Variants in SYNE2 observed in about 807,000 individuals in gnomAD.
SYNE2 encodes nesprin-2.
A neutral mutation model predicts 856.3 loss-of-function variants in SYNE2; 431 were observed. The observed-to-expected ratio is 0.50, with a 90% CI of 0.47 to 0.55. The LOEUF is 0.55. Among genes scored for constraint, SYNE2 ranks in the 20% least tolerant of loss-of-function variants. The pLI is 0.00. For synonymous variants in SYNE2, 2,923 were observed against 2,872.3 expected (o/e 1.02, Z -0.56); for missense variants, 8,129 against 8,023.2 (o/e 1.01, Z -0.50).
intron 6 of SYNE2, among the ~76,000 whole-genome samples, chr14:63,948,798 A>ATGTGTGTGTGTGTGTG (rs1566884906): frequency 1.1e-5 from 1 of 88,322 alleles, no homozygotes; most frequent in African/African-American, 5.7e-5. Flanking sequence ...ATATATATAT[A>ATGTGTGTGTGTGTGTG]TATATATATA....
chr14:63,877,378 A>C (rs1411663604), intron 1 of SYNE2, among the ~76,000 whole-genome samples: 2 of 152,344 alleles, frequency 1.3e-5, no homozygotes, highest in Non-Finnish European at 2.9e-5. Flanking sequence ...TTTAGGAGGA[A>C]TAGGTCAAAA....
chr14:63,903,934 AG>A (rs2095372898), intron 1 of SYNE2, among the ~76,000 whole-genome samples: 1 of 152,030 alleles, frequency 6.6e-6, no homozygotes, highest in African/African-American at 2.4e-5. Flanking sequence ...TGGTGAGCAT[AG>A]TACCCAATAG....
At chr14:64,128,732 T>C (rs2097976618) in intron 74 of SYNE2, among the ~76,000 whole-genome samples, 179 bp downstream of exon 74, 1 of 152,236 alleles carries the variant, frequency 6.6e-6, no homozygotes, top group Non-Finnish European at 1.5e-5. Flanking sequence ...TGAAGCACAA[T>C]GTATTAAAAC....
At chr14:63,814,302 A>G (rs1045073630) in intron 1 of SYNE2, among the ~76,000 whole-genome samples, 7 of 150,474 alleles carry the variant, frequency 4.7e-5, no homozygotes, top group Non-Finnish European at 8.9e-5. Context: ...ACAAACAAAG[A>G]ACAGAACAAA....
chr14:64,038,145 G>T (rs1282806307), intron 45 of SYNE2, among the ~76,000 whole-genome samples: 1 of 151,488 alleles, frequency 6.6e-6, no homozygotes, highest in African/African-American at 2.4e-5. Context: ...GGGCAGAGGC[G>T]CTCCTCACAT....
At chr14:64,039,541 A>G (rs1447785642) in intron 45 of SYNE2, among the ~76,000 whole-genome samples, 1 of 152,250 alleles carries the variant, frequency 6.6e-6, no homozygotes, top group Non-Finnish European at 1.5e-5. Flanking sequence ...ATGAAAGGAA[A>G]GATACATGTT....
intron 16 of SYNE2, among the ~76,000 whole-genome samples, chr14:63,982,409 A>G (rs138665407): frequency 6.6e-6 from 1 of 151,832 alleles, no homozygotes; most frequent in Non-Finnish European, 1.5e-5. Flanking sequence ...CTAAGGGGAA[A>G]GTCAGTCTCT....
At chr14:64,070,163 T>G (rs1376042729) in intron 51 of SYNE2, among the ~76,000 whole-genome samples, 1 of 152,250 alleles carries the variant, frequency 6.6e-6, no homozygotes, top group Non-Finnish European at 1.5e-5. Flanking sequence ...TAATTCTGGC[T>G]GCTTTACCTT....
At chr14:63,826,928 G>A (rs1382138442) in intron 1 of SYNE2, among the ~76,000 whole-genome samples, 1 of 152,048 alleles carries the variant, frequency 6.6e-6, no homozygotes, top group Non-Finnish European at 1.5e-5. Flanking sequence ...CACTTGAGTG[G>A]GAGAAAATAT....
At chr14:63,846,560 CTTTA>C (rs1222262096) in intron 1 of SYNE2, among the ~76,000 whole-genome samples, 2 of 138,576 alleles carry the variant, frequency 1.4e-5, no homozygotes, top group Admixed American at 1.6e-4. Context: ...TAGTAGGGCA[CTTTA>C]TTTATTCAGG....
chr14:64,052,447 A>T lies in SYNE2; in HGVS notation c.8534A>T (p.Lys2845Met). 6.2e-7 allele frequency: 1 copy of T among 1,613,086 alleles called. No individual in the cohort carries two copies. Among genetic ancestry groups the T allele is most frequent in the Non-Finnish European group, 8.5e-7 (1 of 1,179,560 alleles). Residue 2845 changes from lysine (K) to methionine (M), a missense_variant, in exon 48 of 116, where the codon AAG becomes ATG. This residue lies in a region of SYNE2 where 5,410 missense variants were observed against 5,284.8 expected (regional missense o/e 1.02). Transcript: ENST00000555002. ...ERSNFFAIIR[K>M]FQLMVQESET... ...AGCAATTTTTTTGCTATAATAAGGA[A>T]GTTTCAACTTATGGTTCAAGAAAGT...
chr14:64,225,811 C>T lies in SYNE2; in HGVS notation c.*285C>T, dbSNP rs1567711118. 2 of 591,620 alleles carry T rather than the reference C, an allele frequency of 3.4e-6. No homozygotes were observed. Among genetic ancestry groups the T allele is most frequent in the Non-Finnish European group, 6.0e-6 (2 of 331,922 alleles). 36.6% of individuals were successfully genotyped at this position (591,620 alleles called of 1,614,324 possible). A position where few individuals can be genotyped will look rare whatever the true frequency, so the allele number is the denominator to read the frequency against. On this transcript the variant is annotated 3_prime_UTR_variant, in exon 116 of 116. Coordinates refer to ENST00000555002, the MANE Select transcript of SYNE2 (RefSeq NM_182914.3). The stretch of plus-strand genomic sequence containing the variant: ...AATGTCAGTTTCCTGAAGAGCCAAG[C>T]ACTTTGTGAATTCTGGTTTGTTTGT...
intron 101 of SYNE2, 188 bp downstream of exon 101, chr14:64,209,133 G>C (rs2098626242): frequency 9.9e-6 from 9 of 906,662 alleles, no homozygotes; most frequent in Non-Finnish European, 1.5e-5. Flanking sequence ...TCTCTCCCCA[G>C]CTGTCCTGTG....
At chr14:63,937,117 C>T (rs1461419138) in intron 2 of SYNE2, among the ~76,000 whole-genome samples, 2 of 152,072 alleles carry the variant, frequency 1.3e-5, no homozygotes, top group Admixed American at 6.6e-5. Context: ...AGTGTGTCAT[C>T]GAGGACCTTG....
At chr14:63,785,147 C>A (rs1443077543) in intron 1 of SYNE2, among the ~76,000 whole-genome samples, 2 of 152,128 alleles carry the variant, frequency 1.3e-5, no homozygotes, top group African/African-American at 2.4e-5. Flanking sequence ...TCCCACCTTA[C>A]TTTCACCCTT....
chr14:64,111,034 C>T (rs2097802002), intron 65 of SYNE2, among the ~76,000 whole-genome samples: 1 of 151,948 alleles, frequency 6.6e-6, no homozygotes, highest in Non-Finnish European at 1.5e-5. Context: ...TTGGTGAGTT[C>T]ATGAGAAAGC....
Position 64,128,072 on chromosome 14 carries a change from G to C in SYNE2, c.13918-380G>C, listed in dbSNP as rs949231605. Reference sequence around the variant, plus strand: ...AATTAGGGATATGTGAATTCTGTCTGGATAGTTAAATCATATTAAGGAATT... The same window carrying C: ...AATTAGGGATATGTGAATTCTGTCTCGATAGTTAAATCATATTAAGGAATT... On this transcript the variant is annotated intron_variant, in intron 73 of 115. Coordinates refer to ENST00000555002, the MANE Select transcript of SYNE2 (RefSeq NM_182914.3). Among the ~76,000 whole-genome samples the C allele has an allele frequency of 9.2e-5, 14 of 152,270 alleles. 1 individual carries two copies. The highest frequency in any genetic ancestry group is 9.2e-4 in the Admixed American group (14 of 15,292).
rs148890187 is a variant in SYNE2, at chr14:63,793,761, G to GCC, written c.-305+31783_-305+31784dup. 7.3e-3 allele frequency among the ~76,000 whole-genome samples: 1,075 copies of GCC among 148,060 alleles called. 4 individuals carry two copies. The highest frequency in any genetic ancestry group is 0.016 in the South Asian group (72 of 4,592). On this transcript the variant is annotated intron_variant, in intron 1 of 23. Transcript: ENST00000674003. Reference sequence around the variant, plus strand: ...AGACCAGCCTGGGCAACAAAATGAGGCCCCCCCCCAACTAAAAAATTAAAA... The same window carrying GCC: ...AGACCAGCCTGGGCAACAAAATGAGGCCCCCCCCCCCAACTAAAAAATTAAAA...
chr14:64,088,976 A>G (rs1294871344), intron 58 of SYNE2, among the ~76,000 whole-genome samples: 1 of 152,226 alleles, frequency 6.6e-6, no homozygotes, highest in Non-Finnish European at 1.5e-5. Flanking sequence ...TAGTAGGTGC[A>G]CAGAATAATG....
Sources: gnomAD v4.1 joint callset for allele counts (sites outside exome capture counted in the v4.1 genomes callset) on GRCh38, gnomAD v4.1.1 for gene constraint, gnomAD v4.1.1 regional missense constraint, MANE v1.5 for transcripts, NCBI Gene and HGNC (gene_info 2026-07-23, HGNC 2026-07-21) for gene names.